ITFG1: variants seen among roughly 807,000 people sequenced by gnomAD.
The protein encoded by ITFG1 is T-cell immunomodulatory protein.
Under a neutral mutation model 81.8 loss-of-function variants are expected in ITFG1, and 34 were observed. That is an observed-to-expected ratio of 0.42 (90% CI 0.32 to 0.55). The LOEUF is 0.55. Among genes scored for constraint, ITFG1 ranks in the 20% least tolerant of loss-of-function variants. ITFG1 has a pLI of 0.17. For synonymous variants in ITFG1, 285 were observed against 270.6 expected (o/e 1.05, Z -0.52); for missense variants, 672 against 755.4 (o/e 0.89, Z 1.29).
chr16:47,454,510 T>C (rs1004306310), intron 2 of ITFG1, among the ~76,000 whole-genome samples: 6 of 152,214 alleles, frequency 3.9e-5, no homozygotes, highest in African/African-American at 1.4e-4. Context: ...AGGCTCATAA[T>C]TGCCAAAGCA....
At chr16:47,410,771 A>G (rs533784226) in intron 6 of ITFG1, among the ~76,000 whole-genome samples, 3 of 152,286 alleles carry the variant, frequency 2.0e-5, no homozygotes, top group African/African-American at 7.2e-5. Context: ...TTGGCAGGCA[A>G]TCTACCTGGA....
chr16:47,323,339 T>C (rs2151569516), intron 8 of ITFG1, among the ~76,000 whole-genome samples: 1 of 152,184 alleles, frequency 6.6e-6, no homozygotes, highest in African/African-American at 2.4e-5. Context: ...AAGATGATAA[T>C]CAAAGTGCCA....
intron 6 of ITFG1, among the ~76,000 whole-genome samples, chr16:47,393,468 T>C (rs1968556715): frequency 6.6e-6 from 1 of 152,118 alleles, no homozygotes; most frequent in East Asian, 1.9e-4. Flanking sequence ...TGGTGACTCA[T>C]GCCTGTAATC....
At chr16:47,269,169 A>G (rs1966309552) in intron 10 of ITFG1, among the ~76,000 whole-genome samples, 1 of 152,220 alleles carries the variant, frequency 6.6e-6, no homozygotes, top group Non-Finnish European at 1.5e-5. Flanking sequence ...GCCATTGTAA[A>G]AGGAAAGAAA....
chr16:47,274,151 G>A (rs1292563427), intron 10 of ITFG1, among the ~76,000 whole-genome samples: 2 of 152,030 alleles, frequency 1.3e-5, no homozygotes, highest in Non-Finnish European at 2.9e-5. Flanking sequence ...CAACTACTCG[G>A]GAGGCTGAGG....
At chr16:47,352,116 C>A (rs1033504667) in intron 8 of ITFG1, among the ~76,000 whole-genome samples, 2 of 152,134 alleles carry the variant, frequency 1.3e-5, no homozygotes, top group Non-Finnish European at 2.9e-5. Flanking sequence ...CTAGAAAAAA[C>A]CTAGACAATA....
rs189595708 is a variant in ITFG1, at chr16:47,366,190, T to G, written c.721-321A>C. Among the ~76,000 whole-genome samples the G allele has an allele frequency of 1.5e-3, 226 of 152,302 alleles. 1 individual carries two copies. Among genetic ancestry groups the G allele is most frequent in the Non-Finnish European group, 1.2e-3 (79 of 68,020 alleles). On this transcript the variant is annotated intron_variant, in intron 7 of 17. Transcript: ENST00000320640. ...GAAATGTAAAGAATTATAAAACTAG[T>G]TCCTATCCTCAAAGAGCTTACAGTC... is the stretch of plus-strand genomic sequence containing the variant.
intron 12 of ITFG1, among the ~76,000 whole-genome samples, chr16:47,246,723 C>G (rs545629972): frequency 6.6e-6 from 1 of 152,202 alleles, no homozygotes; most frequent in East Asian, 1.9e-4. Context: ...AGTAATGATA[C>G]TGCTTTTGTT....
intron 8 of ITFG1, among the ~76,000 whole-genome samples, chr16:47,359,270 A>G (rs954462904): frequency 6.6e-6 from 1 of 152,180 alleles, no homozygotes. Flanking sequence ...GTCTCTCCAG[A>G]GCTTTTATCT....
intron 11 of ITFG1, among the ~76,000 whole-genome samples, chr16:47,259,902 T>G (rs1373457148): frequency 6.6e-6 from 1 of 151,984 alleles, no homozygotes; most frequent in Non-Finnish European, 1.5e-5. Flanking sequence ...TGTGATCTTG[T>G]GCAGATTCAA....
chr16:47,197,722 G>A (rs1965375947), intron 14 of ITFG1, among the ~76,000 whole-genome samples: 1 of 152,224 alleles, frequency 6.6e-6, no homozygotes, highest in Non-Finnish European at 1.5e-5. Flanking sequence ...CCACTTGGGT[G>A]AGACAGGAAG....
chr16:47,276,403 A>G (rs1237113439), intron 10 of ITFG1, among the ~76,000 whole-genome samples: 1 of 152,230 alleles, frequency 6.6e-6, no homozygotes, highest in African/African-American at 2.4e-5. Context: ...ATGTGAATAA[A>G]TGTTATGGAA....
intron 14 of ITFG1, among the ~76,000 whole-genome samples, chr16:47,168,051 T>G (rs1964915300): frequency 6.6e-6 from 1 of 152,216 alleles, no homozygotes; most frequent in Non-Finnish European, 1.5e-5. Flanking sequence ...CCACCAGCAA[T>G]GTATGAGGGT....
At chr16:47,230,717 T>A (rs1965807499) in intron 13 of ITFG1, among the ~76,000 whole-genome samples, 2 of 152,190 alleles carry the variant, frequency 1.3e-5, no homozygotes, top group Admixed American at 6.5e-5. Flanking sequence ...GAAGGGATTA[T>A]GTTTAGTGCT....
chr16:47,341,135 C>G (rs1430384353), intron 8 of ITFG1, among the ~76,000 whole-genome samples: 1 of 151,810 alleles, frequency 6.6e-6, no homozygotes, highest in Non-Finnish European at 1.5e-5. Flanking sequence ...TACTTAAAAG[C>G]CAGGCATGGT....
chr16:47,244,591 TTGTGTGTGTGTGTGTGTGTGTGTGTGTG>T (rs57470225), intron 12 of ITFG1, among the ~76,000 whole-genome samples: 143 of 118,226 alleles, frequency 1.2e-3, no homozygotes, highest in Admixed American at 2.6e-3. Flanking sequence ...ATTCCATCTT[TTGTGTGTGTGTGTGTGTGTGTGTGTGTG>T]TGTGTGTGTG....
intron 10 of ITFG1, among the ~76,000 whole-genome samples, chr16:47,309,134 T>C (rs1967217522): frequency 6.6e-6 from 1 of 151,414 alleles, no homozygotes; most frequent in African/African-American, 2.4e-5. Context: ...AATGCTGTGA[T>C]CTTGGCTCAC....
intron 14 of ITFG1, among the ~76,000 whole-genome samples, chr16:47,178,228 A>G (rs1221338655): frequency 1.3e-5 from 2 of 152,334 alleles, no homozygotes; most frequent in Admixed American, 1.3e-4. Flanking sequence ...TGATGGTAAA[A>G]TCTTCTCCTG....
intron 12 of ITFG1, among the ~76,000 whole-genome samples, chr16:47,244,960 C>G (rs1378629854): frequency 6.6e-6 from 1 of 152,094 alleles, no homozygotes; most frequent in African/African-American, 2.4e-5. Context: ...GCTTCTAAAA[C>G]TGTGAGAAAT....
Sources: gnomAD v4.1 joint callset for allele counts (sites outside exome capture counted in the v4.1 genomes callset) on GRCh38, gnomAD v4.1.1 for gene constraint, MANE v1.5 for transcripts, NCBI Gene and HGNC (gene_info 2026-07-23, HGNC 2026-07-21) for gene names.